Variants in RASAL2 observed in about 807,000 individuals in gnomAD.
RASAL2 encodes the protein RAS protein activator like 2.
RASAL2 carries 58 observed loss-of-function variants against 128.9 expected under a neutral mutation model. The ratio of observed to expected loss-of-function variants is 0.45; its 90% CI spans 0.36 to 0.56. The LOEUF (loss-of-function observed/expected upper bound fraction) is 0.56. Among genes scored for constraint, RASAL2 ranks in the 20% least tolerant of loss-of-function variants. The pLI, the probability that RASAL2 is intolerant of heterozygous loss-of-function variation, is 0.00. For missense variants in RASAL2, 1,360 were observed against 1,601.6 expected, an observed-to-expected ratio of 0.85 and a Z score of 2.57; for synonymous variants, 561 against 580.8, an observed-to-expected ratio of 0.97 and a Z score of 0.49.
rs769434802 is a variant in RASAL2, at chr1:178,456,815, G to A, written c.2306G>A (p.Arg769His). 4.4e-5 allele frequency: 71 copies of A among 1,614,016 alleles called. No homozygotes were observed. The highest frequency in any genetic ancestry group is 1.6e-4 in the South Asian group (15 of 91,080). Residue 769 changes from arginine (R) to histidine (H), a missense_variant, in exon 13 of 18, where the codon CGC (arginine) becomes CAC (histidine). Coordinates refer to ENST00000367649, the MANE Select transcript of RASAL2 (RefSeq NM_170692.4). Reference protein sequence around the residue: ...NPTPIQQQLRRFTEHNSSPNV... With the variant: ...NPTPIQQQLRHFTEHNSSPNV... ...ACGCCAATACAACAGCAACTGAGAC[G>A]CTTCACTGAACATAACTCCAGTCCA...
intron 1 of RASAL2, among the ~76,000 whole-genome samples, chr1:178,265,949 C>A (rs1016188002): frequency 1.6e-4 from 25 of 152,164 alleles, no homozygotes; most frequent in Non-Finnish European, 1.0e-4. Context: ...TTCTTTCATT[C>A]TCCCTGGTAT....
At chr1:178,456,069 T>C (rs998241772) in intron 12 of RASAL2, among the ~76,000 whole-genome samples, 3 of 152,200 alleles carry the variant, frequency 2.0e-5, no homozygotes, top group Non-Finnish European at 2.9e-5. Context: ...ACATATCTCA[T>C]AGAGGAAGTT....
intron 3 of RASAL2, among the ~76,000 whole-genome samples, chr1:178,382,400 A>T (rs1252879962): frequency 6.6e-6 from 1 of 152,198 alleles, no homozygotes; most frequent in Non-Finnish European, 1.5e-5. Context: ...AAAACACCTC[A>T]AGAGTATGAC....
intron 17 of RASAL2, chr1:178,470,619 C>T (rs1437676302): frequency 8.3e-6 from 10 of 1,203,826 alleles, no homozygotes; most frequent in Non-Finnish European, 9.0e-6. Context: ...CAGAGAAGGG[C>T]TTCCTCCTAT....
chr1:178,365,663 G>A (rs915010976), intron 3 of RASAL2, among the ~76,000 whole-genome samples: 1 of 151,936 alleles, frequency 6.6e-6, no homozygotes, highest in Non-Finnish European at 1.5e-5. Flanking sequence ...AGCAGAGATG[G>A]GTTTTCACCA....
At chr1:178,238,468 A>G (rs1187691729) in intron 1 of RASAL2, among the ~76,000 whole-genome samples, 1 of 152,140 alleles carries the variant, frequency 6.6e-6, no homozygotes, top group Non-Finnish European at 1.5e-5. Context: ...CCTCCAGAAT[A>G]ATGATTTGGT....
chr1:178,376,786 AG>A (rs1453449750), intron 3 of RASAL2, among the ~76,000 whole-genome samples: 1 of 152,144 alleles, frequency 6.6e-6, no homozygotes, highest in Non-Finnish European at 1.5e-5. Context: ...AGCACCGAAT[AG>A]GTACTTAGTA....
chr1:178,276,679 T>A (rs568926400), intron 1 of RASAL2, among the ~76,000 whole-genome samples: 1 of 151,906 alleles, frequency 6.6e-6, no homozygotes, highest in African/African-American at 2.4e-5. Flanking sequence ...GCCCAGCCTG[T>A]TACAGTTATT....
At chr1:178,423,357 A>G (rs1164178771) in intron 5 of RASAL2, among the ~76,000 whole-genome samples, 3 of 152,106 alleles carry the variant, frequency 2.0e-5, no homozygotes, top group Non-Finnish European at 4.4e-5. Flanking sequence ...TTTTCCTTCA[A>G]AAAAGGACCT....
At chr1:178,198,867 G>A (rs1464476142) in intron 1 of RASAL2, among the ~76,000 whole-genome samples, 5 of 152,186 alleles carry the variant, frequency 3.3e-5, no homozygotes, top group South Asian at 2.1e-4. Flanking sequence ...AGACAGGAAC[G>A]TTTAAGTCTG....
intron 1 of RASAL2, among the ~76,000 whole-genome samples, chr1:178,140,776 G>A (rs1382406097): frequency 1.3e-5 from 2 of 152,192 alleles, no homozygotes; most frequent in Non-Finnish European, 2.9e-5. Context: ...CTCCTCACAT[G>A]TTTTACTTGA....
At chr1:178,320,999 T>G (rs930707143) in intron 3 of RASAL2, among the ~76,000 whole-genome samples, 1 of 152,230 alleles carries the variant, frequency 6.6e-6, no homozygotes, top group African/African-American at 2.4e-5. Flanking sequence ...TTTAGCAGAT[T>G]GTGAAAGTTT....
intron 3 of RASAL2, among the ~76,000 whole-genome samples, chr1:178,349,480 G>A (rs954066330): frequency 5.3e-5 from 8 of 151,842 alleles, no homozygotes; most frequent in Non-Finnish European, 7.4e-5. Flanking sequence ...TTTACATTTG[G>A]GGTCATTGAA....
chr1:178,296,073 A>G (rs920526968), intron 2 of RASAL2, among the ~76,000 whole-genome samples: 1 of 151,406 alleles, frequency 6.6e-6, no homozygotes, highest in Non-Finnish European at 1.5e-5. Flanking sequence ...GTGTATATGT[A>G]TGTGTATATA....
intron 1 of RASAL2, among the ~76,000 whole-genome samples, chr1:178,189,778 T>C (rs1245916398): frequency 6.6e-6 from 1 of 152,224 alleles, no homozygotes; most frequent in African/African-American, 2.4e-5. Flanking sequence ...TTATGTGTTT[T>C]TTTCTCATTG....
intron 9 of RASAL2, among the ~76,000 whole-genome samples, chr1:178,449,039 GTCT>G (rs1405158856): frequency 6.6e-6 from 1 of 152,166 alleles, no homozygotes; most frequent in Non-Finnish European, 1.5e-5. Context: ...GGGCTGTATT[GTCT>G]TCTTCTCGTT....
chr1:178,292,721 G>GA (rs1180667335), intron 2 of RASAL2, among the ~76,000 whole-genome samples: 2 of 152,150 alleles, frequency 1.3e-5, no homozygotes, highest in Non-Finnish European at 2.9e-5. Context: ...GGAGTTGAGG[G>GA]AAATGGTAGA....
chr1:178,172,144 C>T (rs375793241), intron 1 of RASAL2, among the ~76,000 whole-genome samples: 1 of 152,092 alleles, frequency 6.6e-6, no homozygotes, highest in Middle Eastern at 3.4e-3. Context: ...AGATGAAAGA[C>T]ATGTCTATTT....
Position 178,313,765 on chromosome 1 carries a change from G to A in RASAL2, c.457+13647G>A, listed in dbSNP as rs534054224. 2.0e-5 allele frequency among the ~76,000 whole-genome samples: 3 copies of A among 152,228 alleles called. No homozygotes were observed. The South Asian group carries it at 6.2e-4, about 32-fold the overall frequency. ...CTAAAATATACTGTTTTTAAAATTA[G>A]CTAAGTCTTTTCTCATTCTATAGTC... On this transcript the variant is annotated intron_variant, in intron 3 of 17. Transcript: ENST00000367649.
Sources: gnomAD v4.1 joint callset for allele counts (sites outside exome capture counted in the v4.1 genomes callset) on GRCh38, gnomAD v4.1.1 for gene constraint, MANE v1.5 for transcripts, NCBI Gene and HGNC (gene_info 2026-07-23, HGNC 2026-07-21) for gene names.